Variants in RAB8A observed in about 807,000 individuals in gnomAD.
RAB8A encodes ras-related protein Rab-8A.
In RAB8A, 5 loss-of-function variants were observed where a neutral mutation model predicts 29.2. The observed-to-expected ratio is 0.17, with a 90% CI of 0.09 to 0.36. The LOEUF (loss-of-function observed/expected upper bound fraction) is 0.36. Ranked by LOEUF, RAB8A falls within the 10% of genes least tolerant of loss-of-function variation. The probability of loss-of-function intolerance (pLI) is 1.00; values close to 1 mark genes in which losing one functional copy is unlikely to be tolerated. For synonymous variants in RAB8A, 108 were observed against 99.9 expected (o/e 1.08, Z -0.49); for missense variants, 171 against 272.2 (o/e 0.63, Z 2.62).
At chr19:16,130,541 T>A (rs1211042693) in intron 7 of RAB8A, among the ~76,000 whole-genome samples, 1 of 152,238 alleles carries the variant, frequency 6.6e-6, no homozygotes, top group East Asian at 1.9e-4. Flanking sequence ...TGGGAAACAG[T>A]TCATGGAAAC....
intron 1 of RAB8A, among the ~76,000 whole-genome samples, chr19:16,113,157 A>C (rs912794561): frequency 6.6e-6 from 1 of 152,208 alleles, no homozygotes; most frequent in Admixed American, 6.6e-5. Flanking sequence ...CTGGCCCACA[A>C]TGAAAAGGTT....
At chr19:16,117,103 C>T (rs1286745138) in intron 1 of RAB8A, among the ~76,000 whole-genome samples, 1 of 152,190 alleles carries the variant, frequency 6.6e-6, no homozygotes, top group African/African-American at 2.4e-5. Flanking sequence ...TGGATGAGTA[C>T]TCCGTTCCTT....
At position 16,132,185 on chromosome 19, in the gene RAB8A, A is replaced by G; in HGVS notation, c.532-27A>G. On this transcript the variant is annotated intron_variant, in intron 7 of 7. Transcript: ENST00000300935. This position sits in a 1 kb window ranked among gnomAD's most constrained non-coding sequence, Gnocchi z 5.6. ...GACGTAGTGCTGATTCTCAGTGATAACCTCAGAAAACCTCTTGTGATTTCA... is the reference window on the plus strand; with the variant it reads ...GACGTAGTGCTGATTCTCAGTGATAGCCTCAGAAAACCTCTTGTGATTTCA... The G allele has an allele frequency of 6.5e-7, 1 of 1,544,338 alleles. No individual in the cohort carries two copies. Among genetic ancestry groups the G allele is most frequent in the African/African-American group, 1.4e-5 (1 of 73,420 alleles).
rs996155650 is a variant in RAB8A, at chr19:16,125,288, C to T, written c.247-182C>T. 1.1e-5 allele frequency: 7 copies of T among 621,850 alleles called. No individual in the cohort carries two copies. In the African/African-American group the frequency reaches 1.3e-4, roughly 11 times the overall value. The allele number at this position is 621,850 out of a possible 1,614,324, so 38.5% of individuals were successfully genotyped here. A position where few individuals can be genotyped will look rare whatever the true frequency, so the allele number is the denominator to read the frequency against. The stretch of plus-strand genomic sequence containing the variant: ...TGCCAGAACCCAGCAGAAAGAAGGG[C>T]CACAGGGATGGAGAGGAGGGGGCTG... On this transcript the variant is annotated intron_variant, in intron 3 of 7. Coordinates refer to ENST00000300935, the MANE Select transcript of RAB8A (RefSeq NM_005370.5). This position sits in a 1 kb window ranked among gnomAD's most constrained non-coding sequence, Gnocchi z 5.0.
chr19:16,125,440 C>G lies in RAB8A; in HGVS notation c.247-30C>G. ...CTCCCTTCCAGAGCCTGCAGCCGAT[C>G]AGGCACCTGTGTCTTCTCTCCCCGC... On this transcript the variant is annotated intron_variant, in intron 3 of 7. Transcript: ENST00000300935. This position sits in a 1 kb window ranked among gnomAD's most constrained non-coding sequence, Gnocchi z 5.0. 6.3e-7 allele frequency: 1 copy of G among 1,599,812 alleles called. No homozygotes were observed. The highest frequency in any genetic ancestry group is 8.6e-7 in the Non-Finnish European group (1 of 1,167,716).
chr19:16,132,067 GGTTTGGTT>G lies in RAB8A; in HGVS notation c.532-135_532-128del, dbSNP rs1261909791. On this transcript the variant is annotated intron_variant, in intron 7 of 7. Transcript: ENST00000300935. This position sits in a 1 kb window ranked among gnomAD's most constrained non-coding sequence, Gnocchi z 5.6. ...GTTGGTTGGTTTGGCTGGTTTGATT[GGTTTGGTT>G]GTTTGGTTGGTTGGTTGGTTGGTTG... 4.5e-6 allele frequency: 3 copies of G among 670,346 alleles called. No homozygotes were observed. Among genetic ancestry groups the G allele is most frequent in the Non-Finnish European group, 7.9e-6 (3 of 380,316 alleles). 41.5% of individuals were successfully genotyped at this position (670,346 alleles called of 1,614,324 possible).
chr19:16,126,015 A>C, intron 4 of RAB8A: 3 of 209,946 alleles, frequency 1.4e-5, no homozygotes, highest in Non-Finnish European at 3.1e-5. Flanking sequence ...AAGTAGGCCA[A>C]CCCCTCCTCC....
chr19:16,119,564 C>T (rs2090864167), intron 2 of RAB8A, among the ~76,000 whole-genome samples: 1 of 152,096 alleles, frequency 6.6e-6, no homozygotes, highest in South Asian at 2.1e-4. Flanking sequence ...GCAGTTCATC[C>T]TGCAGACATT....
At chr19:16,121,338 T>A (rs894569877) in intron 2 of RAB8A, among the ~76,000 whole-genome samples, 1 of 152,208 alleles carries the variant, frequency 6.6e-6, no homozygotes, top group African/African-American at 2.4e-5. Context: ...TTCCTTGTCA[T>A]GCAGATGAGG....
chr19:16,113,593 G>T (rs2090833567), intron 1 of RAB8A, among the ~76,000 whole-genome samples: 1 of 152,044 alleles, frequency 6.6e-6, no homozygotes, highest in Admixed American at 6.6e-5. Context: ...GTAAATACAG[G>T]GTTTCACTGT....
Position 16,132,119 on chromosome 19 carries a change from TG to T in RAB8A, c.532-91del. 1 of 992,494 alleles carries T rather than the reference TG, an allele frequency of 1.0e-6. No individual in the cohort carries two copies. The highest frequency in any genetic ancestry group is 1.6e-6 in the Non-Finnish European group (1 of 635,100). 61.5% of individuals were successfully genotyped at this position (992,494 alleles called of 1,614,324 possible). A position where few individuals can be genotyped will look rare whatever the true frequency, so the allele number is the denominator to read the frequency against. On this transcript the variant is annotated intron_variant, in intron 7 of 7. Coordinates refer to ENST00000300935, the MANE Select transcript of RAB8A (RefSeq NM_005370.5). This position sits in a 1 kb window ranked among gnomAD's most constrained non-coding sequence, Gnocchi z 5.6. Reference sequence around the variant, plus strand: ...TTGGTTGGTTGGATGGTTGGATGGATGGTTAGGTGGATGGTTAGGTGGATGG... The same window carrying T: ...TTGGTTGGTTGGATGGTTGGATGGATGTTAGGTGGATGGTTAGGTGGATGG...
chr19:16,113,829 T>C (rs2090834530), intron 1 of RAB8A, among the ~76,000 whole-genome samples: 1 of 152,194 alleles, frequency 6.6e-6, no homozygotes, highest in Admixed American at 6.6e-5. Flanking sequence ...CCCTGCTGTC[T>C]TTAGAGCAGG....
chr19:16,121,996 C>A, intron 3 of RAB8A, 186 bp downstream of exon 3: 2 of 538,862 alleles, frequency 3.7e-6, no homozygotes, highest in Non-Finnish European at 6.8e-6. Context: ...GTACATACCT[C>A]CCCTTCTGGC....
chr19:16,132,339 A>C lies in RAB8A; in HGVS notation c.*35A>C, dbSNP rs1240752917. On this transcript the variant is annotated 3_prime_UTR_variant, in exon 8 of 8. Transcript: ENST00000300935. This position sits in a 1 kb window ranked among gnomAD's most constrained non-coding sequence, Gnocchi z 5.6. ...CCTTACTCTGAGCCTCGCTCAGCCC[A>C]GCTGACTGTGCCTGTTCTGAGTGAG... The C allele has an allele frequency of 6.2e-7, 1 of 1,602,186 alleles. No homozygotes were observed. The highest frequency in any genetic ancestry group is 8.5e-7 in the Non-Finnish European group (1 of 1,172,774).
At chr19:16,121,958 C>G (rs571433522) in intron 3 of RAB8A, 148 bp downstream of exon 3, 1 of 718,694 alleles carries the variant, frequency 1.4e-6, no homozygotes, top group East Asian at 2.6e-5. Flanking sequence ...GTCTTAGGAA[C>G]AGGCTTTGTG....
chr19:16,125,587 C>T lies in RAB8A; in HGVS notation c.324+40C>T, dbSNP rs780756463. Reference sequence around the variant, plus strand: ...CTCCTCCCACTGTCCCTGCTTCAGTCCTTGTCCCAGAGCCCTCTGGTTTAC... The same window carrying T: ...CTCCTCCCACTGTCCCTGCTTCAGTTCTTGTCCCAGAGCCCTCTGGTTTAC... On this transcript the variant is annotated intron_variant, in intron 4 of 7. Transcript: ENST00000300935. This position sits in a 1 kb window ranked among gnomAD's most constrained non-coding sequence, Gnocchi z 5.0. 6.4e-7 allele frequency: 1 copy of T among 1,571,324 alleles called. No homozygotes were observed. Among genetic ancestry groups the T allele is most frequent in the Non-Finnish European group, 8.7e-7 (1 of 1,145,556 alleles).
chr19:16,114,281 A>G (rs1439249339), intron 1 of RAB8A, among the ~76,000 whole-genome samples: 2 of 151,892 alleles, frequency 1.3e-5, no homozygotes, highest in Non-Finnish European at 2.9e-5. Context: ...AAATAATAAT[A>G]AAAATAAAAG....
chr19:16,115,658 G>A (rs949149728), intron 1 of RAB8A, among the ~76,000 whole-genome samples: 1 of 152,222 alleles, frequency 6.6e-6, no homozygotes, highest in Non-Finnish European at 1.5e-5. Flanking sequence ...TGTGGGCCAG[G>A]CAGCCATTTT....
At position 16,127,408 on chromosome 19, in the gene RAB8A, G is replaced by T; in HGVS notation, c.325-29G>T. ...GCACCTGGCCTGTGTCATCCGGTCT[G>T]ATCCCCCGTCTGTCCCCCTCCCTCT... On this transcript the variant is annotated intron_variant, in intron 4 of 7. Coordinates refer to ENST00000300935, the MANE Select transcript of RAB8A (RefSeq NM_005370.5). This position sits in a 1 kb window ranked among gnomAD's most constrained non-coding sequence, Gnocchi z 4.8. The T allele has an allele frequency of 7.1e-7, 1 of 1,418,254 alleles. No individual in the cohort carries two copies. Among genetic ancestry groups the T allele is most frequent in the Non-Finnish European group, 9.3e-7 (1 of 1,070,556 alleles). The allele number at this position is 1,418,254 out of a possible 1,614,324, so 87.9% of individuals were successfully genotyped here.
Sources: gnomAD v4.1 joint callset for allele counts (sites outside exome capture counted in the v4.1 genomes callset) on GRCh38, gnomAD v4.1.1 for gene constraint, Gnocchi (gnomAD v3.1) non-coding constraint, MANE v1.5 for transcripts, NCBI Gene and HGNC (gene_info 2026-07-23, HGNC 2026-07-21) for gene names.